Variants in MUC4 observed in about 807,000 individuals in gnomAD.
MUC4 encodes mucin-4.
In MUC4, 202 loss-of-function variants were observed where a neutral mutation model predicts 257.9. That is an observed-to-expected ratio of 0.78 (90% confidence interval 0.70 to 0.88). MUC4 has a LOEUF of 0.88. MUC4 is among the 40% of genes least tolerant of loss of function. MUC4 has a pLI of 0.00. For synonymous variants in MUC4, 2,351 were observed against 2,757.1 expected, an observed-to-expected ratio of 0.85 and a Z score of 4.62; for missense variants, 5,976 against 6,513.7, an observed-to-expected ratio of 0.92 and a Z score of 2.84.
At position 195,780,135 on chromosome 3, in the gene MUC4, G is replaced by A. The variant is rs1726720774; in HGVS notation, c.11445C>T (p.Ser3815=). ...QATPLPVTSL[S]SVSTGDTTPL... is the part of the protein sequence containing the mutation. ...GGGTGGTGTCACCTGTGGATACTGA[G>A]GAAAGGCTGGTGACAGGAAGAGGGG... Residue 3815 remains serine, a synonymous_variant, in exon 2 of 25, where the codon TCC becomes TCT. Transcript: ENST00000463781. The A allele has an allele frequency of 6.8e-7, 1 of 1,476,968 alleles. No individual in the cohort carries two copies. The highest frequency in any genetic ancestry group is 9.2e-7 in the Non-Finnish European group (1 of 1,091,728). 91.5% of individuals were successfully genotyped at this position (1,476,968 alleles called of 1,614,324 possible).
chr3:195,770,476 G>A, intron 5 of MUC4, 105 bp from the exon 6 acceptor site: 1 of 1,293,016 alleles, frequency 7.7e-7, no homozygotes, highest in Non-Finnish European at 1.1e-6. Context: ...CCCACCCAAT[G>A]GCCTGCCCTC....
At position 195,755,265 on chromosome 3, in the gene MUC4, G is replaced by A. The variant is rs181840841; in HGVS notation, c.15169-893C>T. On this transcript the variant is annotated intron_variant, in intron 18 of 24. Transcript: ENST00000463781. The surrounding 1 kb of genome is among the most constrained non-coding windows in gnomAD (Gnocchi z 5.0). ...CGCTGCAGTGCAGTGTCTCGATCTC[G>A]GCTCACTGCAATGTCCCCCTCCCAA... is the stretch of plus-strand genomic sequence containing the variant. Among the ~76,000 whole-genome samples, 5 of 151,572 alleles carry A rather than the reference G, an allele frequency of 3.3e-5. No homozygotes were observed. Among genetic ancestry groups the A allele is most frequent in the Admixed American group, 3.3e-4 (5 of 15,206 alleles).
Position 195,782,443 on chromosome 3 carries a change from G to C in MUC4, c.9137C>G (p.Thr3046Ser), listed in dbSNP as rs755862242. ...GGCGTGACCTGTGGATGCTGAGGAA[G>C]TGTCGGTGACAGGAAGCGGGGTGGC... ...GHATPLPVTDTSSASTGHANP... is the reference protein window; with the variant it reads ...GHATPLPVTDSSSASTGHANP... Residue 3046 changes from threonine (T) to serine (S), a missense_variant, in exon 2 of 25, where the codon ACT becomes AGT. Physicochemically the swap from Thr to Ser is moderately conservative, Grantham distance 58 (BLOSUM62 1). Coordinates refer to ENST00000463781, the MANE Select transcript of MUC4 (RefSeq NM_018406.7). The C allele has an allele frequency of 6.8e-7, 1 of 1,468,288 alleles. No homozygotes were observed. Among genetic ancestry groups the C allele is most frequent in the African/African-American group, 1.6e-5 (1 of 62,140 alleles). The allele number at this position is 1,468,288 out of a possible 1,614,324, so 91.0% of individuals were successfully genotyped here. A position where few individuals can be genotyped will look rare whatever the true frequency, so the allele number is the denominator to read the frequency against.
chr3:195,748,762 A>G, intron 24 of MUC4, 140 bp downstream of exon 24: 2 of 1,187,344 alleles, frequency 1.7e-6, no homozygotes, highest in Non-Finnish European at 1.1e-6. Context: ...GCAGGCACTC[A>G]CAACTCTCCT....
intron 9 of MUC4, 23 bp downstream of exon 9, chr3:195,765,246 TG>T (rs768351677): frequency 4.6e-6 from 7 of 1,515,142 alleles, no homozygotes; most frequent in Non-Finnish European, 6.2e-6. Context: ...GGTGGGCTTG[TG>T]GGGGGCGGGA....
intron 1 of MUC4, among the ~76,000 whole-genome samples, chr3:195,808,762 G>C (rs1212243293): frequency 6.6e-6 from 1 of 152,178 alleles, no homozygotes; most frequent in African/African-American, 2.4e-5. Flanking sequence ...AGGACCTCTT[G>C]TCCAGGGATC....
intron 7 of MUC4, among the ~76,000 whole-genome samples, chr3:195,767,942 A>ACCATCG (rs1560266871): frequency 1.4e-5 from 1 of 73,786 alleles, no homozygotes; most frequent in African/African-American, 3.4e-5. Context: ...CGCCACTACC[A>ACCATCG]CCACCACCAC....
rs1280505830 is a variant in MUC4, at chr3:195,783,050, C to T, written c.8530G>A (p.Gly2844Ser). ...PVTIPSSASS[G>S]HTTPLPVTDA... Reference sequence around the variant, plus strand: ...GTGACAGGAAGAGGGGTGGTGTGACCTGAGGATGCTGAGGAAGGGATGGTG... The same window carrying T: ...GTGACAGGAAGAGGGGTGGTGTGACTTGAGGATGCTGAGGAAGGGATGGTG... The change falls in exon 2 of 25, where the codon GGT becomes AGT. Residue 2844 changes from glycine (G) to serine (S), a missense_variant. By Grantham distance (56) the Gly-to-Ser change is moderately conservative (BLOSUM62 0). This residue lies in a region of MUC4 where 228 missense variants were observed against 206.3 expected (regional missense o/e 1.11). Transcript: ENST00000463781. 2.4e-6 allele frequency: 2 copies of T among 819,380 alleles called. No homozygotes were observed. The highest frequency in any genetic ancestry group is 2.9e-5 in the Admixed American group (1 of 33,944). 50.8% of individuals were successfully genotyped at this position (819,380 alleles called of 1,614,324 possible).
chr3:195,762,972 G>GCCCGA, intron 12 of MUC4, 27 bp from the exon 13 acceptor site: 1 of 1,504,826 alleles, frequency 6.6e-7, no homozygotes, highest in Non-Finnish European at 9.0e-7. Flanking sequence ...GGGGGCCTGA[G>GCCCGA]CCCGACCCGC....
Position 195,770,247 on chromosome 3 carries a change from G to C in MUC4, c.13367C>G (p.Ala4456Gly). The C allele has an allele frequency of 6.2e-7, 1 of 1,613,380 alleles. No individual in the cohort carries two copies. The change falls in exon 6 of 25, where the codon GCC becomes GGC. Residue 4456 changes from alanine to glycine, a missense_variant. Ala to Gly is a moderately conservative substitution (Grantham distance 60). Coordinates refer to ENST00000463781, the MANE Select transcript of MUC4 (RefSeq NM_018406.7). ...GGTCCACTGGGCAGGATAGGCGTGG[G>C]CATTGACCCACGTGACCTTTAGGGC... ...RWALKVTWVN[A>G]HAYPAQWTLG...
At chr3:195,762,347 C>A (rs976096089) in intron 13 of MUC4, 93 bp from the exon 14 acceptor site, 34 of 1,358,836 alleles carry the variant, frequency 2.5e-5, no homozygotes, top group Non-Finnish European at 3.4e-5. Context: ...ACCCCCACCC[C>A]GCCCCTGGGG....
At chr3:195,747,811 A>C (rs1484690099) in intron 24 of MUC4, among the ~76,000 whole-genome samples, 14 of 152,272 alleles carry the variant, frequency 9.2e-5, no homozygotes. Context: ...CAGTGAGCCG[A>C]GATTGCAACA....
In MUC4 at chr3:195,789,947, G is replaced by C. The variant is rs772349587; in HGVS notation, c.1633C>G (p.Pro545Ala). Reference protein sequence around the residue: ...KVSAIGEPGEPTTYSSHSTTL... With the variant: ...KVSAIGEPGEATTYSSHSTTL... The stretch of plus-strand genomic sequence containing the variant: ...GTGCTGTGGGAGGAGTATGTGGTGG[G>C]CTCTCCTGGTTCCCCTATTGCTGAG... The change falls in exon 2 of 25, where the codon CCC becomes GCC. Residue 545 changes from proline to alanine, a missense_variant. This residue lies in a region of MUC4 where 1,583 missense variants were observed against 1,257.4 expected (regional missense o/e 1.26). Transcript: ENST00000463781. The C allele has an allele frequency of 6.2e-7, 1 of 1,613,930 alleles. No homozygotes were observed. Among genetic ancestry groups the C allele is most frequent in the South Asian group, 1.1e-5 (1 of 91,070 alleles).
At position 195,778,721 on chromosome 3, in the gene MUC4, G is replaced by A. The variant is rs780021669; in HGVS notation, c.12790+69C>T. ...AATGCGAATGCACCAGTGTTCTCAG[G>A]TACTCCTTAGGCTGAATTCCGCCAA... On this transcript the variant is annotated intron_variant, in intron 2 of 24. Transcript: ENST00000463781. 1.1e-4 allele frequency: 166 copies of A among 1,473,190 alleles called. 1 individual carries two copies. In the Admixed American group the frequency reaches 1.2e-3, roughly 11 times the overall value. 91.3% of individuals were successfully genotyped at this position (1,473,190 alleles called of 1,614,324 possible). A position where few individuals can be genotyped will look rare whatever the true frequency, so the allele number is the denominator to read the frequency against.
intron 7 of MUC4, among the ~76,000 whole-genome samples, chr3:195,767,252 G>T (rs1167672620): frequency 7.2e-5 from 11 of 152,144 alleles, no homozygotes; most frequent in Admixed American, 2.0e-4. Context: ...GTATAAAAGG[G>T]ATTACAGTGG....
Position 195,787,630 on chromosome 3 carries a change from C to CG in MUC4, c.3949_3950insC (p.Ser1317ThrfsTer9). ...GTCACCTGTGGATGCTGAGGAAAGG[C>CG]TGGTGACAGGAAGAGGGGTGGCGTG... On this transcript the variant is annotated frameshift_variant, in exon 2 of 25. Transcript: ENST00000463781. LOFTEE classifies it high-confidence loss of function. 1 of 568,324 alleles carries CG rather than the reference C, an allele frequency of 1.8e-6. No homozygotes were observed. The highest frequency in any genetic ancestry group is 2.4e-6 in the Non-Finnish European group (1 of 410,372). The allele number at this position is 568,324 out of a possible 1,614,324, so 35.2% of individuals were successfully genotyped here.
At chr3:195,774,937 A>G (rs1261028435) in intron 3 of MUC4, among the ~76,000 whole-genome samples, 1 of 150,828 alleles carries the variant, frequency 6.6e-6, no homozygotes, top group East Asian at 1.9e-4. Context: ...AGTCCAGCGC[A>G]ATGAAGATGA....
chr3:195,804,225 A>C (rs1735699496), intron 1 of MUC4, among the ~76,000 whole-genome samples: 1 of 152,182 alleles, frequency 6.6e-6, no homozygotes, highest in South Asian at 2.1e-4. Context: ...TCTCCCATCA[A>C]GGTAGTTCTT....
Position 195,782,922 on chromosome 3 carries a change from A to C in MUC4, c.8658T>G (p.Ala2886=). 1.3e-6 allele frequency: 2 copies of C among 1,502,668 alleles called. No homozygotes were observed. Among genetic ancestry groups the C allele is most frequent in the Admixed American group, 2.1e-5 (1 of 48,254 alleles). 93.1% of individuals were successfully genotyped at this position (1,502,668 alleles called of 1,614,324 possible). Residue 2886 remains alanine, a synonymous_variant, in exon 2 of 25, where the codon GCT becomes GCG. Coordinates refer to ENST00000463781, the MANE Select transcript of MUC4 (RefSeq NM_018406.7). ...GHATPLPVTD[A]SSVSTGHATP... is the part of the protein sequence containing the mutation. ...TAGCGTGACCTGTGGACACTGAGGA[A>C]GCGTCGGTGACAGGAAGAGGGGTGG...
Sources: gnomAD v4.1 joint callset for allele counts (sites outside exome capture counted in the v4.1 genomes callset) on GRCh38, gnomAD v4.1.1 for gene constraint, gnomAD v4.1.1 regional missense constraint, Gnocchi (gnomAD v3.1) non-coding constraint, MANE v1.5 for transcripts, NCBI Gene and HGNC (gene_info 2026-07-23, HGNC 2026-07-21) for gene names.